Variants in MCPH1 observed in about 807,000 individuals in gnomAD.
MCPH1 encodes the protein microcephalin 1.
In MCPH1, 104 loss-of-function variants were observed where a neutral mutation model predicts 84.5. The ratio of observed to expected loss-of-function variants is 1.23; its 90% confidence interval spans 1.05 to 1.45. The LOEUF (loss-of-function observed/expected upper bound fraction) is 1.45. MCPH1 is among the 40% of genes most tolerant of loss of function. The pLI, the probability that MCPH1 is intolerant of heterozygous loss-of-function variation, is 0.00. For missense variants in MCPH1, 1,498 were observed against 1,005.7 expected, an observed-to-expected ratio of 1.49 and a Z score of -6.62; for synonymous variants, 514 against 366.8, an observed-to-expected ratio of 1.40 and a Z score of -4.58.
intron 12 of MCPH1, chr8:6,562,549 C>CTTGTTTTTTTTT: frequency 1.1e-5 from 1 of 87,292 alleles, no homozygotes; most frequent in Non-Finnish European, 2.1e-5. Context: ...CTTCATCCTC[C>CTTGTTTTTTTTT]TTCTTTTTTT....
At chr8:6,544,996 G>A (rs1822303466) in intron 12 of MCPH1, among the ~76,000 whole-genome samples, 1 of 152,122 alleles carries the variant, frequency 6.6e-6, no homozygotes, top group Non-Finnish European at 1.5e-5. Context: ...CTCATGCTCT[G>A]CAGTTCCATT....
intron 9 of MCPH1, 54 bp from the exon 10 acceptor site, chr8:6,477,540 A>T (rs1808635167): frequency 6.6e-7 from 1 of 1,521,048 alleles, no homozygotes; most frequent in Non-Finnish European, 9.1e-7. Flanking sequence ...CTGTGGGAAA[A>T]ATATTTTTTA....
At chr8:6,535,120 G>A (rs1201260131) in intron 12 of MCPH1, among the ~76,000 whole-genome samples, 1 of 152,146 alleles carries the variant, frequency 6.6e-6, no homozygotes, top group Non-Finnish European at 1.5e-5. Flanking sequence ...TAAATAAAAA[G>A]TCTTAACCTC....
At chr8:6,474,245 C>A in intron 9 of MCPH1, 3 of 587,364 alleles carry the variant, frequency 5.1e-6, no homozygotes, top group South Asian at 1.9e-5. Context: ...TTGCTTTTCT[C>A]AAGCTAAATC....
At chr8:6,597,194 T>G (rs1190855009) in intron 12 of MCPH1, among the ~76,000 whole-genome samples, 8 of 152,124 alleles carry the variant, frequency 5.3e-5, no homozygotes, top group Admixed American at 3.9e-4. Context: ...GAGGAGCAAA[T>G]GGATGAGCCT....
At chr8:6,579,145 C>G (rs576019206) in intron 12 of MCPH1, among the ~76,000 whole-genome samples, 1 of 152,228 alleles carries the variant, frequency 6.6e-6, no homozygotes, top group African/African-American at 2.4e-5. Flanking sequence ...TCACCTAACA[C>G]CTGACACCTC....
rs181672863 is a variant in MCPH1, at chr8:6,533,784, C to A, written c.2214+33855C>A. 1.7e-3 allele frequency among the ~76,000 whole-genome samples: 256 copies of A among 152,090 alleles called. 8 individuals carry two copies. In the South Asian group the frequency reaches 0.033, roughly 20 times the overall value. On this transcript the variant is annotated intron_variant, in intron 12 of 13. Coordinates refer to ENST00000344683, the MANE Select transcript of MCPH1 (RefSeq NM_024596.5). ...AAACTTAGAATTCTTTATAGAGAAA[C>A]CATTCGTGGAGTCAGTCATCAGACA... is the stretch of plus-strand genomic sequence containing the variant.
chr8:6,410,113 G>A (rs1236040759), intron 2 of MCPH1, among the ~76,000 whole-genome samples: 2 of 151,980 alleles, frequency 1.3e-5, no homozygotes, highest in Non-Finnish European at 2.9e-5. Context: ...GGGACTACAG[G>A]CACATGCCAC....
chr8:6,488,595 C>T (rs1288029504), intron 11 of MCPH1, among the ~76,000 whole-genome samples: 17 of 152,104 alleles, frequency 1.1e-4, no homozygotes, highest in Admixed American at 1.0e-3. Context: ...GCACCTGGCA[C>T]AGAAAAGGCA....
At chr8:6,460,627 C>G (rs558520776) in intron 9 of MCPH1, among the ~76,000 whole-genome samples, 1 of 151,854 alleles carries the variant, frequency 6.6e-6, no homozygotes, top group East Asian at 1.9e-4. Context: ...TTTCTGGCTC[C>G]CCTCAATTTC....
At chr8:6,436,295 A>G (rs1802628524) in intron 5 of MCPH1, 133 bp downstream of exon 5, 2 of 1,019,870 alleles carry the variant, frequency 2.0e-6, no homozygotes, top group Non-Finnish European at 2.8e-6. Context: ...GAAGGAGAAA[A>G]CAAAATGTCA....
intron 13 of MCPH1, chr8:6,625,211 T>G (rs1831942458): frequency 1.0e-6 from 1 of 985,334 alleles, no homozygotes; most frequent in Admixed American, 6.1e-5. Context: ...ATTTACTTCA[T>G]GTATAAAACA....
chr8:6,551,859 A>T (rs1181203307), intron 12 of MCPH1, among the ~76,000 whole-genome samples: 1 of 152,216 alleles, frequency 6.6e-6, no homozygotes, highest in African/African-American at 2.4e-5. Context: ...TTTTACACCA[A>T]CATTTCCCAT....
intron 12 of MCPH1, among the ~76,000 whole-genome samples, chr8:6,569,972 G>A (rs1338404492): frequency 1.3e-5 from 2 of 152,156 alleles, no homozygotes; most frequent in Non-Finnish European, 2.9e-5. Flanking sequence ...TTACAAGTGC[G>A]GAAACCAGAT....
chr8:6,441,112 A>T (rs1484380449), intron 6 of MCPH1, among the ~76,000 whole-genome samples: 1 of 152,180 alleles, frequency 6.6e-6, no homozygotes, highest in East Asian at 1.9e-4. Context: ...TTTTGCAAGC[A>T]AGACTGAAAT....
chr8:6,577,319 C>T (rs937787092), intron 12 of MCPH1, among the ~76,000 whole-genome samples: 9 of 152,172 alleles, frequency 5.9e-5, no homozygotes, highest in East Asian at 3.9e-4. Context: ...CTCCAGAACC[C>T]GGTGCATTTG....
intron 4 of MCPH1, among the ~76,000 whole-genome samples, chr8:6,433,803 T>G (rs949936173): frequency 6.6e-6 from 1 of 152,206 alleles, no homozygotes; most frequent in South Asian, 2.1e-4. Context: ...CCAAATGTAA[T>G]TGCAAATTAA....
intron 12 of MCPH1, among the ~76,000 whole-genome samples, chr8:6,545,256 C>G (rs918325223): frequency 1.3e-5 from 2 of 152,168 alleles, no homozygotes; most frequent in Non-Finnish European, 1.5e-5. Context: ...AGATCTTGAC[C>G]TCGGTGCTGG....
At chr8:6,639,075 T>A (rs570270782) in intron 13 of MCPH1, among the ~76,000 whole-genome samples, 1 of 152,342 alleles carries the variant, frequency 6.6e-6, no homozygotes, top group South Asian at 2.1e-4. Flanking sequence ...CTGTTCCATC[T>A]TGTCTCTGTT....
Sources: allele counts gnomAD v4.1 joint callset (sites outside exome capture counted in the v4.1 genomes callset), GRCh38; gene constraint gnomAD v4.1.1; transcripts MANE v1.5; gene names NCBI Gene and HGNC (gene_info 2026-07-23, HGNC 2026-07-21).